The following RESF1 variants were observed in gnomAD, a reference collection of about 807,000 sequenced individuals.
The protein encoded by RESF1 is gonad expressed transcript.
RESF1 carries 65 observed loss-of-function variants against 134.7 expected under a neutral mutation model. The observed-to-expected ratio is 0.48, with a 90% CI of 0.40 to 0.59. The LOEUF is 0.59. Ranked by LOEUF, RESF1 falls within the 20% of genes least tolerant of loss-of-function variation. RESF1 has a pLI of 0.00. For missense variants in RESF1, 2,274 were observed against 2,002.7 expected, an observed-to-expected ratio of 1.14 and a Z score of -2.59; for synonymous variants, 762 against 702.2, an observed-to-expected ratio of 1.09 and a Z score of -1.35.
rs568690497 is a variant in RESF1, at chr12:31,972,538, G to A, written c.-79+2182G>A. On this transcript the variant is annotated intron_variant, in intron 3 of 5. Coordinates refer to ENST00000312561, the MANE Select transcript of RESF1 (RefSeq NM_018169.4). ...GGAGAATGGCGTGAACCTGGGAGGC[G>A]GAGCTCGCAGTGAGCCAAGATGGTG... Among the ~76,000 whole-genome samples, 6 of 151,376 alleles carry A rather than the reference G, an allele frequency of 4.0e-5. No individual in the cohort carries two copies. In the South Asian group the frequency reaches 6.3e-4, roughly 16 times the overall value.
Position 31,992,390 on chromosome 12 carries a change from C to G in RESF1, c.5099C>G (p.Ser1700Ter). The change falls in exon 6 of 6, where the codon TCA (serine) becomes TGA (stop). Residue 1700 changes from serine to a stop codon, truncating the protein, a stop_gained. Transcript: ENST00000312561. LOFTEE classifies it low-confidence loss of function (END_TRUNC). ...TTATTTCCCTTAGATAATGTTAATT[C>G]AAGACTCTCGAAGAGAAGCTTCAGT... Reference protein sequence around the residue: ...KDSQERDNVNSRLSKRSFSAD... With the variant: ...KDSQERDNVN 1 of 1,610,662 alleles carries G rather than the reference C, an allele frequency of 6.2e-7. No individual in the cohort carries two copies. Among genetic ancestry groups the G allele is most frequent in the Non-Finnish European group, 8.5e-7 (1 of 1,178,484 alleles).
Position 31,985,138 on chromosome 12 carries a change from CAAG to C in RESF1, c.4186_4188del (p.Glu1396del). On this transcript the variant is annotated inframe_deletion, in exon 4 of 6. Coordinates refer to ENST00000312561, the MANE Select transcript of RESF1 (RefSeq NM_018169.4). ...AGTAAAGAAAAAGAAACATGATAAA[CAAG>C]AACAGAAAGGAAGTGTGGGAGCTAC... The C allele has an allele frequency of 6.5e-7, 1 of 1,548,212 alleles. No homozygotes were observed. Among genetic ancestry groups the C allele is most frequent in the Non-Finnish European group, 8.7e-7 (1 of 1,155,890 alleles).
At chr12:31,988,994 G>A (rs571981844) in intron 5 of RESF1, among the ~76,000 whole-genome samples, 17 of 151,018 alleles carry the variant, frequency 1.1e-4, no homozygotes, top group South Asian at 6.5e-4. Context: ...GTGTCCACCC[G>A]AATATATGAT....
intron 2 of RESF1, among the ~76,000 whole-genome samples, chr12:31,961,717 T>C (rs1405199208): frequency 3.9e-5 from 6 of 152,328 alleles, no homozygotes; most frequent in East Asian, 3.9e-4. Flanking sequence ...AGGAAGTACC[T>C]GTCACTACTG....
chr12:31,962,736 G>C (rs1490363626), intron 2 of RESF1, among the ~76,000 whole-genome samples: 1 of 152,166 alleles, frequency 6.6e-6, no homozygotes, highest in African/African-American at 2.4e-5. Context: ...TTAAGAAACA[G>C]AAACCATAAG....
At chr12:31,977,364 A>G (rs1167454743) in intron 3 of RESF1, among the ~76,000 whole-genome samples, 1 of 152,100 alleles carries the variant, frequency 6.6e-6, no homozygotes, top group Admixed American at 6.5e-5. Flanking sequence ...CATTTTTAGT[A>G]GAGACGGGGG....
At chr12:31,986,659 TTC>T (rs747182461) in intron 4 of RESF1, among the ~76,000 whole-genome samples, 39 of 152,214 alleles carry the variant, frequency 2.6e-4, no homozygotes, top group Non-Finnish European at 4.0e-4. Context: ...TAACTAGTTG[TTC>T]ATGGTACTAA....
chr12:31,960,235 C>A (rs990660422), intron 1 of RESF1, among the ~76,000 whole-genome samples: 16 of 152,170 alleles, frequency 1.1e-4, no homozygotes, highest in East Asian at 3.8e-4. Context: ...TTCGGGGAAT[C>A]ATTTCCGTGA....
At position 31,983,966 on chromosome 12, in the gene RESF1, A is replaced by G; in HGVS notation, c.3011A>G (p.Lys1004Arg). Reference protein sequence around the residue: ...EKSSLEHATEKSTANDTCSSA... With the variant: ...EKSSLEHATERSTANDTCSSA... ...AGTAGTTTGGAGCATGCCACTGAAAAAAGCACAGCTAACGATACGTGCTCG... is the reference window on the plus strand; with the variant it reads ...AGTAGTTTGGAGCATGCCACTGAAAGAAGCACAGCTAACGATACGTGCTCG... Residue 1004 changes from lysine to arginine, a missense_variant, in exon 4 of 6, where the codon AAA (lysine) becomes AGA (arginine). Physicochemically the swap from Lys to Arg is conservative, Grantham distance 26. Coordinates refer to ENST00000312561, the MANE Select transcript of RESF1 (RefSeq NM_018169.4). 6.2e-7 allele frequency: 1 copy of G among 1,613,644 alleles called. No individual in the cohort carries two copies. The highest frequency in any genetic ancestry group is 8.5e-7 in the Non-Finnish European group (1 of 1,179,898).
intron 2 of RESF1, among the ~76,000 whole-genome samples, chr12:31,966,545 G>C (rs1939400314): frequency 6.6e-6 from 1 of 152,236 alleles, no homozygotes; most frequent in African/African-American, 2.4e-5. Flanking sequence ...GGCCAGTCAA[G>C]ATGTGTGATT....
chr12:31,971,606 G>C (rs548244892), intron 3 of RESF1, among the ~76,000 whole-genome samples: 4 of 152,282 alleles, frequency 2.6e-5, no homozygotes, highest in Admixed American at 2.6e-4. Flanking sequence ...GTGATATTAT[G>C]AAATATATCT....
chr12:31,971,295 A>G (rs1939501353), intron 3 of RESF1, among the ~76,000 whole-genome samples: 1 of 152,154 alleles, frequency 6.6e-6, no homozygotes, highest in Non-Finnish European at 1.5e-5. Context: ...GGCATGTACC[A>G]CTATACCTGG....
At chr12:31,975,140 G>T (rs1373950617) in intron 3 of RESF1, among the ~76,000 whole-genome samples, 1 of 152,026 alleles carries the variant, frequency 6.6e-6, no homozygotes, top group Non-Finnish European at 1.5e-5. Flanking sequence ...CAGGCATGGT[G>T]GCGCGCGCCT....
At chr12:31,966,018 C>T (rs1371306971) in intron 2 of RESF1, among the ~76,000 whole-genome samples, 1 of 152,118 alleles carries the variant, frequency 6.6e-6, no homozygotes, top group Non-Finnish European at 1.5e-5. Flanking sequence ...TGCTTGTCAG[C>T]GCTTTTCAGA....
At position 31,981,346 on chromosome 12, in the gene RESF1, C is replaced by T; in HGVS notation, c.391C>T (p.His131Tyr). The change falls in exon 4 of 6, where the codon CAT (histidine) becomes TAT (tyrosine). Residue 131 changes from histidine to tyrosine, a missense_variant. His to Tyr is a moderately conservative substitution (Grantham distance 83). Coordinates refer to ENST00000312561, the MANE Select transcript of RESF1 (RefSeq NM_018169.4). ...NSPMRNPVHS[H>Y]IGATVSHQTD... is the part of the protein sequence containing the mutation. ...ACCAATGAGGAATCCTGTGCATTCTCATATAGGGGCAACTGTATCTCATCA... is the reference window on the plus strand; with the variant it reads ...ACCAATGAGGAATCCTGTGCATTCTTATATAGGGGCAACTGTATCTCATCA... 1.2e-6 allele frequency: 2 copies of T among 1,614,088 alleles called. No individual in the cohort carries two copies. Among genetic ancestry groups the T allele is most frequent in the Non-Finnish European group, 1.7e-6 (2 of 1,179,998 alleles).
chr12:31,980,522 T>C (rs1176968028), intron 3 of RESF1, among the ~76,000 whole-genome samples: 1 of 151,992 alleles, frequency 6.6e-6, no homozygotes, highest in Non-Finnish European at 1.5e-5. Context: ...GAACTTCCCT[T>C]TTTTTTTAAA....
chr12:31,967,100 C>T (rs959779189), intron 2 of RESF1, among the ~76,000 whole-genome samples: 1 of 152,172 alleles, frequency 6.6e-6, no homozygotes, highest in African/African-American at 2.4e-5. Flanking sequence ...ACTTTACCAC[C>T]TTGGGGGGTA....
At chr12:31,987,719 CTATTTATT>C (rs72099377) in intron 5 of RESF1, among the ~76,000 whole-genome samples, 18 of 147,830 alleles carry the variant, frequency 1.2e-4, no homozygotes, top group South Asian at 2.2e-4. Context: ...TTCTGATTAA[CTATTTATT>C]TATTTATTTA....
At chr12:31,962,233 A>G in intron 2 of RESF1, among the ~76,000 whole-genome samples, 1 of 150,724 alleles carries the variant, frequency 6.6e-6, no homozygotes, top group East Asian at 1.9e-4. Flanking sequence ...AAAAAAAAAA[A>G]AAAAAGCATT....
Sources: gnomAD v4.1 joint callset for allele counts (sites outside exome capture counted in the v4.1 genomes callset) on GRCh38, gnomAD v4.1.1 for gene constraint, MANE v1.5 for transcripts, NCBI Gene and HGNC (gene_info 2026-07-23, HGNC 2026-07-21) for gene names.